The following DAB2IP variants were observed in gnomAD, a reference collection of about 807,000 sequenced individuals.
DAB2IP encodes the protein disabled homolog 2-interacting protein.
DAB2IP carries 28 observed loss-of-function variants against 107.2 expected under a neutral mutation model. That is an observed-to-expected ratio of 0.26 (90% CI 0.19 to 0.36). The LOEUF is 0.36. Ranked by LOEUF, DAB2IP falls within the 10% of genes least tolerant of loss-of-function variation. The pLI, the probability that DAB2IP is intolerant of heterozygous loss-of-function variation, is 1.00. For missense variants in DAB2IP, 1,400 were observed against 1,644.7 expected (o/e 0.85, Z 2.57); for synonymous variants, 755 against 706.4 (o/e 1.07, Z -1.09).
intron 1 of DAB2IP, among the ~76,000 whole-genome samples, chr9:121,631,813 TAAAAAAAAAAAAA>T (rs752400251): frequency 8.5e-5 from 5 of 58,896 alleles, no homozygotes; most frequent in Admixed American, 2.1e-4. Context: ...AGACTCCGTC[TAAAAAAAAAAAAA>T]AAAAAAAAAA....
chr9:121,737,856 G>C lies in DAB2IP; in HGVS notation c.363-19157G>C, dbSNP rs1052909226. The C allele has an allele frequency of 4.4e-6, 4 of 914,214 alleles. No individual in the cohort carries two copies. In the African/African-American group the frequency reaches 7.2e-5, roughly 16 times the overall value. 56.6% of individuals were successfully genotyped at this position (914,214 alleles called of 1,614,324 possible). A position where few individuals can be genotyped will look rare whatever the true frequency, so the allele number is the denominator to read the frequency against. On this transcript the variant is annotated intron_variant, in intron 3 of 15. Transcript: ENST00000408936. The stretch of plus-strand genomic sequence containing the variant: ...AGGAGCTGTTTCTCCAATGAGGCCT[G>C]GTCCCAGGACTGAGTCCTCAGTGGG...
chr9:121,700,669 G>A (rs1829723562), intron 3 of DAB2IP, among the ~76,000 whole-genome samples: 2 of 152,204 alleles, frequency 1.3e-5, no homozygotes, highest in Non-Finnish European at 2.9e-5. Context: ...TTGAGTGACT[G>A]TTTAACTGAC....
intron 1 of DAB2IP, among the ~76,000 whole-genome samples, chr9:121,657,196 A>C (rs1283235408): frequency 6.6e-6 from 1 of 151,912 alleles, no homozygotes; most frequent in African/African-American, 2.4e-5. Context: ...GGCCTCAGCC[A>C]TGTTTCTCCA....
intron 2 of DAB2IP, among the ~76,000 whole-genome samples, chr9:121,694,170 G>A (rs1829301596): frequency 6.6e-6 from 1 of 152,164 alleles, no homozygotes; most frequent in Non-Finnish European, 1.5e-5. Context: ...TGAGTGTGGG[G>A]AGGATGATCA....
upstream of DAB2IP, among the ~76,000 whole-genome samples, chr9:121,650,469 T>C (rs116666440): frequency 6.6e-6 from 1 of 152,320 alleles, no homozygotes; most frequent in African/African-American, 2.4e-5. Context: ...CCCACTGTTC[T>C]GGAGGAAGAT....
chr9:121,692,955 G>A (rs1829235478), intron 2 of DAB2IP, among the ~76,000 whole-genome samples: 1 of 152,212 alleles, frequency 6.6e-6, no homozygotes, highest in African/African-American at 2.4e-5. Flanking sequence ...TGCCTAGCTT[G>A]GGGCGGCCCA....
intron 8 of DAB2IP, among the ~76,000 whole-genome samples, chr9:121,764,649 A>C (rs1834135773): frequency 6.6e-6 from 1 of 152,134 alleles, no homozygotes; most frequent in African/African-American, 2.4e-5. Context: ...GCCCAGGTTT[A>C]ACCTGTGTCC....
chr9:121,595,889 A>G (rs1340107871), intron 1 of DAB2IP, among the ~76,000 whole-genome samples: 2 of 152,132 alleles, frequency 1.3e-5, no homozygotes, highest in Non-Finnish European at 2.9e-5. Flanking sequence ...ACAGGAATAG[A>G]ACTTGAAGCC....
chr9:121,752,116 A>G, intron 3 of DAB2IP: 1 of 803,320 alleles, frequency 1.2e-6, no homozygotes, highest in African/African-American at 1.9e-5. Context: ...CTTGAGAGGG[A>G]TGGGGGAAGC....
At chr9:121,576,827 C>G (rs1029034272) in intron 1 of DAB2IP, among the ~76,000 whole-genome samples, 3 of 152,126 alleles carry the variant, frequency 2.0e-5, no homozygotes, top group Non-Finnish European at 2.9e-5. Context: ...GTGGCTATCT[C>G]TAGAGAAGTT....
intron 2 of DAB2IP, among the ~76,000 whole-genome samples, chr9:121,694,455 T>G (rs1393584693): frequency 6.6e-6 from 1 of 152,058 alleles, no homozygotes; most frequent in Non-Finnish European, 1.5e-5. Context: ...TGGTAATATA[T>G]CATCATCATC....
At chr9:121,711,949 C>T (rs1003289852) in intron 3 of DAB2IP, among the ~76,000 whole-genome samples, 3 of 152,200 alleles carry the variant, frequency 2.0e-5, no homozygotes, top group Admixed American at 2.0e-4. Context: ...CTGCAGAAGG[C>T]AGTGGTCAGG....
rs1028557731 is a variant in DAB2IP at position 121,772,915 on chromosome 9, G to T, written c.2387G>T (p.Gly796Val). ...CGGGCAACCCCAGTGAACCTGGCAGGGCTGGCCACGGTGCGGCGGGCAGGC... is the reference window on the plus strand; with the variant it reads ...CGGGCAACCCCAGTGAACCTGGCAGTGCTGGCCACGGTGCGGCGGGCAGGC... The change falls in exon 12 of 16, where the codon GGG becomes GTG. Residue 796 changes from glycine (G) to valine (V), a missense_variant. Transcript: ENST00000408936. This position sits in a 1 kb window ranked among gnomAD's most constrained non-coding sequence, Gnocchi z 4.7. 6.4e-7 allele frequency: 1 copy of T among 1,565,836 alleles called. No individual in the cohort carries two copies.
intron 1 of DAB2IP, among the ~76,000 whole-genome samples, chr9:121,646,547 G>A (rs1832545477): frequency 1.0e-5 from 1 of 98,874 alleles, no homozygotes; most frequent in Non-Finnish European, 1.9e-5. Flanking sequence ...GAGCTCCAGA[G>A]ACTGAAAGGT....
intron 3 of DAB2IP, among the ~76,000 whole-genome samples, chr9:121,725,514 C>A (rs764397718): frequency 1.3e-5 from 2 of 152,212 alleles, no homozygotes; most frequent in Non-Finnish European, 2.9e-5. Context: ...CCTCTGTGTA[C>A]GCTCTGCTGT....
intron 1 of DAB2IP, among the ~76,000 whole-genome samples, chr9:121,584,003 C>A (rs1479807975): frequency 6.6e-6 from 1 of 152,016 alleles, no homozygotes; most frequent in East Asian, 1.9e-4. Flanking sequence ...ATGGTGAAAC[C>A]CTGTCTCTAC....
intron 1 of DAB2IP, among the ~76,000 whole-genome samples, chr9:121,636,079 A>G (rs1028948791): frequency 1.3e-5 from 2 of 150,648 alleles, no homozygotes; most frequent in Non-Finnish European, 3.0e-5. Context: ...AATTTTTTGT[A>G]TTTTTTTTTA....
chr9:121,585,932 C>A (rs1830302397), intron 1 of DAB2IP, among the ~76,000 whole-genome samples: 2 of 152,144 alleles, frequency 1.3e-5, no homozygotes, highest in Non-Finnish European at 2.9e-5. Context: ...TCTAACTTGA[C>A]CCGATCCTAA....
At chr9:121,763,002 C>T (rs1004839879) in intron 6 of DAB2IP, among the ~76,000 whole-genome samples, 8 of 152,202 alleles carry the variant, frequency 5.3e-5, no homozygotes, top group African/African-American at 1.9e-4. Context: ...ACGACCTCCC[C>T]GGGCAGTGGG....
Sources: allele counts gnomAD v4.1 joint callset (sites outside exome capture counted in the v4.1 genomes callset), GRCh38; gene constraint gnomAD v4.1.1; non-coding constraint Gnocchi (gnomAD v3.1); transcripts MANE v1.5; gene names NCBI Gene and HGNC (gene_info 2026-07-23, HGNC 2026-07-21).